PLPP1: variants seen among roughly 807,000 people sequenced by gnomAD.
The protein encoded by PLPP1 is phospholipid phosphatase 1, also known as lipid phosphate phosphohydrolase 1a.
PLPP1 carries 24 observed loss-of-function variants against 31.2 expected under a neutral mutation model. That is an observed-to-expected ratio of 0.77 (90% CI 0.56 to 1.08). The LOEUF (loss-of-function observed/expected upper bound fraction) is 1.08, where lower values mean the gene tolerates loss of function less well. PLPP1 is among the 50% of genes least tolerant of loss of function. PLPP1 has a pLI of 0.00. For synonymous variants in PLPP1, 146 were observed against 126.3 expected, an observed-to-expected ratio of 1.16 and a Z score of -1.05; for missense variants, 319 against 342.7, an observed-to-expected ratio of 0.93 and a Z score of 0.55.
rs185380099 is a variant in PLPP1, at chr5:55,472,000, T to C, written c.210+3299A>G. Among the ~76,000 whole-genome samples, 57 of 152,194 alleles carry C rather than the reference T, an allele frequency of 3.7e-4. No individual in the cohort carries two copies. The East Asian group carries it at 9.9e-3, about 26-fold the overall frequency. ...AGCCAGATGTGGTGGTGCACACCTG[T>C]GGTCCCAGCTCCTCAGGTGGCTGAA... On this transcript the variant is annotated intron_variant, in intron 2 of 5. Coordinates refer to ENST00000307259, the MANE Select transcript of PLPP1 (RefSeq NM_003711.4).
intron 3 of PLPP1, among the ~76,000 whole-genome samples, chr5:55,450,765 C>A (rs1215392121): frequency 6.6e-6 from 1 of 152,096 alleles, no homozygotes; most frequent in African/African-American, 2.4e-5. Context: ...AAGGGACAAG[C>A]GGTGGATGAA....
At chr5:55,428,466 G>A (rs1751263891) in intron 4 of PLPP1, among the ~76,000 whole-genome samples, 1 of 152,194 alleles carries the variant, frequency 6.6e-6, no homozygotes, top group African/African-American at 2.4e-5. Flanking sequence ...CAGAAATCCG[G>A]ACTGGCTTTT....
chr5:55,433,812 A>G (rs1202060414), intron 4 of PLPP1, among the ~76,000 whole-genome samples: 2 of 151,734 alleles, frequency 1.3e-5, no homozygotes, highest in African/African-American at 2.4e-5. Flanking sequence ...TAGCATTTCT[A>G]TACAACAATA....
intron 3 of PLPP1, among the ~76,000 whole-genome samples, chr5:55,467,626 A>G (rs867948485): frequency 1.5e-4 from 23 of 152,040 alleles, no homozygotes; most frequent in African/African-American, 5.3e-4. Flanking sequence ...TATAAGGTTC[A>G]TTTAACATTC....
At position 55,464,235 on chromosome 5, in the gene PLPP1, CTT is replaced by C. The variant is rs35680320; in HGVS notation, c.491+3632_491+3633del. 6.0e-3 allele frequency among the ~76,000 whole-genome samples: 829 copies of C among 139,186 alleles called. 1 individual carries two copies. The highest frequency in any genetic ancestry group is 0.017 in the South Asian group (72 of 4,314). The allele number at this position is 139,186 out of a possible 152,430, so 91.3% of individuals were successfully genotyped here. ...ACTGGTACACAAATGTTCAGAACAT[CTT>C]TTTTTTTTTTTTTTTTAAGAAGCAG... On this transcript the variant is annotated intron_variant, in intron 3 of 5. Coordinates refer to ENST00000307259, the MANE Select transcript of PLPP1 (RefSeq NM_003711.4).
chr5:55,511,660 T>G (rs986541219), intron 1 of PLPP1, among the ~76,000 whole-genome samples: 30 of 96,696 alleles, frequency 3.1e-4, no homozygotes, highest in Non-Finnish European at 4.9e-4. Flanking sequence ...GTTTTTTTTT[T>G]TTTTTTTTTT....
intron 4 of PLPP1, among the ~76,000 whole-genome samples, chr5:55,427,775 T>TTG (rs1554036152): frequency 1.1e-4 from 11 of 99,886 alleles, no homozygotes; most frequent in African/African-American, 4.2e-4. Context: ...AACACTTTTT[T>TTG]GGGGGGGGGG....
intron 1 of PLPP1, among the ~76,000 whole-genome samples, chr5:55,494,469 A>T (rs1029051117): frequency 6.6e-6 from 1 of 152,224 alleles, no homozygotes; most frequent in Non-Finnish European, 1.5e-5. Context: ...ACATTAGTTT[A>T]GTATTGAGAA....
intron 4 of PLPP1, among the ~76,000 whole-genome samples, chr5:55,433,991 G>A (rs1751431613): frequency 6.6e-6 from 1 of 151,826 alleles, no homozygotes; most frequent in African/African-American, 2.4e-5. Context: ...ACAAGAATTA[G>A]CCGGGTGCAT....
chr5:55,490,936 C>G, intron 1 of PLPP1: 1 of 1,596,772 alleles, frequency 6.3e-7, no homozygotes, highest in South Asian at 1.1e-5. Context: ...AAACCCATCA[C>G]TACCTACTTA....
chr5:55,455,251 T>A (rs1751979536), intron 3 of PLPP1, among the ~76,000 whole-genome samples: 3 of 151,008 alleles, frequency 2.0e-5, no homozygotes, highest in African/African-American at 7.3e-5. Flanking sequence ...AAAAAGCAAA[T>A]CTCTTCAAGC....
intron 4 of PLPP1, among the ~76,000 whole-genome samples, chr5:55,433,249 A>G (rs1321191307): frequency 1.3e-5 from 2 of 150,888 alleles, no homozygotes; most frequent in Non-Finnish European, 3.0e-5. Flanking sequence ...CTGCTTAAGC[A>G]CAGGACAATG....
At chr5:55,491,217 C>A in intron 1 of PLPP1, 1 of 1,288,894 alleles carries the variant, frequency 7.8e-7, no homozygotes, top group Non-Finnish European at 1.1e-6. Flanking sequence ...ATATTTTGCC[C>A]TCTCTGGAGA....
chr5:55,427,901 T>G (rs755652125), intron 4 of PLPP1, among the ~76,000 whole-genome samples: 5 of 152,052 alleles, frequency 3.3e-5, no homozygotes, highest in Non-Finnish European at 5.9e-5. Context: ...TCCTCCTGCC[T>G]CAGCCTCCCG....
intron 1 of PLPP1, among the ~76,000 whole-genome samples, chr5:55,509,712 C>G (rs1435927812): frequency 6.6e-6 from 1 of 152,144 alleles, no homozygotes; most frequent in Non-Finnish European, 1.5e-5. Flanking sequence ...GGGCAAGTTA[C>G]TTCACTATGG....
At chr5:55,461,871 T>C (rs548897099) in intron 3 of PLPP1, among the ~76,000 whole-genome samples, 10 of 152,118 alleles carry the variant, frequency 6.6e-5, no homozygotes, top group Non-Finnish European at 1.2e-4. Context: ...ATTAGCAAGA[T>C]TGCAGGATAC....
At chr5:55,434,185 G>A (rs1404217323) in intron 4 of PLPP1, among the ~76,000 whole-genome samples, 2 of 147,004 alleles carry the variant, frequency 1.4e-5, no homozygotes, top group Non-Finnish European at 3.0e-5. Flanking sequence ...AAAAAAAGAA[G>A]AAGAAGAAAA....
intron 1 of PLPP1, among the ~76,000 whole-genome samples, chr5:55,525,247 C>CATT (rs1753756453): frequency 6.6e-6 from 1 of 152,204 alleles, no homozygotes; most frequent in Admixed American, 6.5e-5. Flanking sequence ...ATACATCATG[C>CATT]ATATTAAGTG....
Position 55,499,715 on chromosome 5 carries a change from T to C in PLPP1, c.59-24265A>G, listed in dbSNP as rs192564535. ...AATAAATAAATAGTTAATAATCTTA[T>C]ATGGCCCTTCTCATATATGTCCAAG... is the stretch of plus-strand genomic sequence containing the variant. On this transcript the variant is annotated intron_variant, in intron 1 of 5. Coordinates refer to ENST00000307259, the MANE Select transcript of PLPP1 (RefSeq NM_003711.4). Among the ~76,000 whole-genome samples the C allele has an allele frequency of 3.4e-4, 52 of 152,232 alleles. 1 individual carries two copies. In the East Asian group the frequency reaches 9.3e-3, roughly 27 times the overall value.
Sources: gnomAD v4.1 joint callset for allele counts (sites outside exome capture counted in the v4.1 genomes callset) on GRCh38, gnomAD v4.1.1 for gene constraint, MANE v1.5 for transcripts, NCBI Gene and HGNC (gene_info 2026-07-23, HGNC 2026-07-21) for gene names.